GRID2: variants seen among roughly 807,000 people sequenced by gnomAD.
GRID2 encodes glutamate receptor ionotropic, delta-2.
In GRID2, 33 loss-of-function variants were observed where a neutral mutation model predicts 114.8. The observed-to-expected ratio is 0.29, with a 90% CI of 0.22 to 0.38. The LOEUF is 0.38. GRID2 is among the 10% of genes least tolerant of loss of function. GRID2 has a pLI of 1.00. For synonymous variants in GRID2, 505 were observed against 449.9 expected, an observed-to-expected ratio of 1.12 and a Z score of -1.55; for missense variants, 1,184 against 1,257.7, an observed-to-expected ratio of 0.94 and a Z score of 0.89.
intron 8 of GRID2, among the ~76,000 whole-genome samples, chr4:93,278,809 G>T (rs892912644): frequency 2.0e-5 from 3 of 151,270 alleles, no homozygotes; most frequent in African/African-American, 7.3e-5. Context: ...TTCAAAGGTG[G>T]TTTTTGTGAA....
intron 2 of GRID2, among the ~76,000 whole-genome samples, chr4:92,624,976 A>C (rs1730450691): frequency 6.6e-6 from 1 of 151,800 alleles, no homozygotes; most frequent in South Asian, 2.1e-4. Context: ...AAAGTCACTA[A>C]ATTTTTCAAG....
chr4:92,516,857 G>A (rs1396331671), intron 1 of GRID2, among the ~76,000 whole-genome samples: 1 of 151,882 alleles, frequency 6.6e-6, no homozygotes, highest in Admixed American at 6.6e-5. Flanking sequence ...TCTTCGTTAG[G>A]TTGTGATGGT....
chr4:92,640,527 A>G (rs991304102), intron 2 of GRID2, among the ~76,000 whole-genome samples: 1 of 151,908 alleles, frequency 6.6e-6, no homozygotes, highest in Non-Finnish European at 1.5e-5. Flanking sequence ...GCTAAAGCCC[A>G]GGATATGACT....
intron 14 of GRID2, among the ~76,000 whole-genome samples, chr4:93,697,880 T>TATATATA (rs1208336606): frequency 1.4e-5 from 2 of 147,762 alleles, no homozygotes; most frequent in Non-Finnish European, 1.5e-5. Context: ...TATATATATA[T>TATATATA]TTCAAAACAA....
At chr4:93,001,424 G>A (rs1228807012) in intron 2 of GRID2, among the ~76,000 whole-genome samples, 2 of 151,600 alleles carry the variant, frequency 1.3e-5, no homozygotes, top group Admixed American at 6.6e-5. Flanking sequence ...GGATTAATAT[G>A]TAAATGAATA....
intron 2 of GRID2, among the ~76,000 whole-genome samples, chr4:92,713,635 C>G (rs544035969): frequency 1.3e-4 from 20 of 151,390 alleles, no homozygotes; most frequent in African/African-American, 4.6e-4. Flanking sequence ...AATGGACCTA[C>G]AGCTCCATGT....
chr4:92,659,078 G>A lies in GRID2; in HGVS notation c.244+68792G>A, dbSNP rs1191328954. On this transcript the variant is annotated intron_variant, in intron 2 of 15. Coordinates refer to ENST00000282020, the MANE Select transcript of GRID2 (RefSeq NM_001510.4). ...CAATAGATTACAATGTCATGTAGAT[G>A]CAGAAATAAAGATGGTTATATTATA... Among the ~76,000 whole-genome samples the A allele has an allele frequency of 1.5e-5, 2 of 133,474 alleles. 1 individual carries two copies. The highest frequency in any genetic ancestry group is 3.4e-5 in the Non-Finnish European group (2 of 59,446). 87.6% of individuals were successfully genotyped at this position (133,474 alleles called of 152,430 possible).
chr4:93,299,573 A>T (rs765196409), intron 8 of GRID2, among the ~76,000 whole-genome samples: 75 of 120,916 alleles, frequency 6.2e-4, no homozygotes, highest in Non-Finnish European at 8.7e-4. Flanking sequence ...GGGGGGAGGG[A>T]TAGCATTAAG....
intron 5 of GRID2, among the ~76,000 whole-genome samples, chr4:93,216,260 GTGTGTGTGTGCA>G: frequency 6.6e-6 from 1 of 151,768 alleles, no homozygotes; most frequent in South Asian, 2.1e-4. Flanking sequence ...TGCTAATTAT[GTGTGTGTGTGCA>G]TGTGTGTGTG....
intron 1 of GRID2, among the ~76,000 whole-genome samples, chr4:92,446,805 T>A (rs1733494703): frequency 6.6e-6 from 1 of 152,228 alleles, no homozygotes. Context: ...ATGCAGAGAA[T>A]ATCATGCAAA....
intron 8 of GRID2, among the ~76,000 whole-genome samples, chr4:93,258,497 C>A (rs745502774): frequency 7.3e-5 from 11 of 151,346 alleles, no homozygotes; most frequent in Admixed American, 4.6e-4. Flanking sequence ...TATATAATGA[C>A]AGACACATGG....
intron 9 of GRID2, among the ~76,000 whole-genome samples, chr4:93,402,251 C>T (rs1447129653): frequency 6.6e-6 from 1 of 152,028 alleles, no homozygotes; most frequent in Non-Finnish European, 1.5e-5. Flanking sequence ...CTTTTAGTAT[C>T]GTACTAGTTT....
At chr4:93,384,739 A>G (rs973811873) in intron 8 of GRID2, among the ~76,000 whole-genome samples, 1 of 152,168 alleles carries the variant, frequency 6.6e-6, no homozygotes, top group African/African-American at 2.4e-5. Flanking sequence ...CTTGCTGCAT[A>G]TCATGCACTG....
intron 2 of GRID2, among the ~76,000 whole-genome samples, chr4:92,738,422 T>C (rs983714855): frequency 2.6e-5 from 4 of 152,138 alleles, no homozygotes; most frequent in South Asian, 4.1e-4. Flanking sequence ...TTTCCTTGGT[T>C]GTTGCAGTCC....
intron 13 of GRID2, among the ~76,000 whole-genome samples, chr4:93,537,328 G>A (rs916499283): frequency 1.3e-5 from 2 of 151,510 alleles, no homozygotes; most frequent in Admixed American, 6.6e-5. Context: ...AATTAAGCAG[G>A]TTTTTGAGAG....
At chr4:93,679,020 A>C (rs887486739) in intron 14 of GRID2, among the ~76,000 whole-genome samples, 1 of 151,262 alleles carries the variant, frequency 6.6e-6, no homozygotes, top group Non-Finnish European at 1.5e-5. Context: ...AGTGTGCTGT[A>C]TTCAGGAAAC....
At chr4:93,669,240 A>G (rs532835755) in intron 14 of GRID2, among the ~76,000 whole-genome samples, 79 of 152,134 alleles carry the variant, frequency 5.2e-4, no homozygotes, top group African/African-American at 1.9e-3. Flanking sequence ...ATATGAGACA[A>G]TTTGTGTTTA....
intron 2 of GRID2, among the ~76,000 whole-genome samples, chr4:92,788,784 A>C (rs1338556962): frequency 6.6e-6 from 1 of 151,648 alleles, no homozygotes; most frequent in African/African-American, 2.4e-5. Flanking sequence ...TCTATTTTGA[A>C]ATGTAGCAGG....
At chr4:93,806,241 G>A (rs774722338) in intron 1 of GRID2, among the ~76,000 whole-genome samples, 1 of 152,114 alleles carries the variant, frequency 6.6e-6, no homozygotes, top group Non-Finnish European at 1.5e-5. Flanking sequence ...TTTATGCATG[G>A]TCTGGAACCA....
Sources: gnomAD v4.1 joint callset for allele counts (sites outside exome capture counted in the v4.1 genomes callset) on GRCh38, gnomAD v4.1.1 for gene constraint, MANE v1.5 for transcripts, NCBI Gene and HGNC (gene_info 2026-07-23, HGNC 2026-07-21) for gene names.